WDR89: variants seen among roughly 807,000 people sequenced by gnomAD.
WDR89 encodes the protein WD repeat-containing protein 89.
Under a neutral mutation model 29.1 loss-of-function variants are expected in WDR89, and 17 were observed. The ratio of observed to expected loss-of-function variants is 0.58; its 90% CI spans 0.40 to 0.88. The LOEUF is 0.88. WDR89 is among the 40% of genes least tolerant of loss of function. The probability of loss-of-function intolerance (pLI) is 0.00; values close to 1 mark genes in which losing one functional copy is unlikely to be tolerated. For missense variants in WDR89, 396 were observed against 456.3 expected (o/e 0.87, Z 1.20); for synonymous variants, 138 against 157.8 (o/e 0.87, Z 0.94).
At chr14:63,612,866 G>A (rs73263609) in intron 2 of WDR89, among the ~76,000 whole-genome samples, 4,663 of 152,180 alleles carry the variant, frequency 0.031, 271 homozygotes, top group African/African-American at 0.11. Context: ...GGCTCAGTTT[G>A]GGAAATGAGA....
At chr14:63,632,061 G>A (rs543730783) in intron 1 of WDR89, among the ~76,000 whole-genome samples, 57 of 151,272 alleles carry the variant, frequency 3.8e-4, no homozygotes, top group African/African-American at 1.3e-3. Context: ...GCAGTGAGCC[G>A]ACAGTGCACC....
intron 1 of WDR89, among the ~76,000 whole-genome samples, chr14:63,641,134 C>G (rs982320055): frequency 6.9e-5 from 10 of 144,468 alleles, no homozygotes; most frequent in South Asian, 4.5e-4. Context: ...AAAAGAAAAA[C>G]AAAAAAGAAA....
chr14:63,613,569 T>C (rs138980620), intron 2 of WDR89, among the ~76,000 whole-genome samples: 1 of 151,256 alleles, frequency 6.6e-6, no homozygotes, highest in Non-Finnish European at 1.5e-5. Context: ...AGTGGCGTGA[T>C]CTCGGCTCAC....
intron 2 of WDR89, among the ~76,000 whole-genome samples, chr14:63,624,068 T>C (rs141657743): frequency 2.0e-5 from 3 of 152,308 alleles, no homozygotes; most frequent in Admixed American, 1.3e-4. Flanking sequence ...AGGGAATCTA[T>C]GACCTTTGGT....
intron 2 of WDR89, among the ~76,000 whole-genome samples, chr14:63,614,597 G>A (rs1372542237): frequency 6.6e-6 from 1 of 152,170 alleles, no homozygotes; most frequent in East Asian, 1.9e-4. Context: ...TCACACATAT[G>A]CGTTACCAGT....
chr14:63,641,396 C>G (rs1054458102), intron 1 of WDR89: 4 of 152,280 alleles, frequency 2.6e-5, no homozygotes, highest in Admixed American at 2.6e-4. Context: ...AAGTGAAAAT[C>G]TGCTTTCTGG....
At chr14:63,630,850 G>A (rs1883355527) in intron 1 of WDR89, 1 of 150,624 alleles carries the variant, frequency 6.6e-6, no homozygotes, top group Admixed American at 6.6e-5. Flanking sequence ...ATGCAGTGTA[G>A]TGGCACAAAC....
At chr14:63,627,747 T>C (rs1883160816) in intron 1 of WDR89, among the ~76,000 whole-genome samples, 1 of 152,156 alleles carries the variant, frequency 6.6e-6, no homozygotes, top group South Asian at 2.1e-4. Context: ...AAAAGCTCAT[T>C]TCTTCTTATA....
At chr14:63,609,390 A>AT (rs1476783724) in intron 2 of WDR89, among the ~76,000 whole-genome samples, 1 of 152,214 alleles carries the variant, frequency 6.6e-6, no homozygotes, top group Non-Finnish European at 1.5e-5. Context: ...CATGAACACA[A>AT]TATCAAATAA....
chr14:63,615,655 AG>A (rs1219595622), intron 2 of WDR89, among the ~76,000 whole-genome samples: 7 of 152,200 alleles, frequency 4.6e-5, no homozygotes, highest in Admixed American at 1.3e-4. Context: ...AGCCGGGCCC[AG>A]TGGCTCATGC....
Position 63,599,912 on chromosome 14 carries a change from G to T in WDR89, c.31C>A (p.Leu11Met). The change falls in exon 3 of 3, where the codon CTG becomes ATG. Residue 11 changes from leucine to methionine, a missense_variant. Physicochemically the swap from Leu to Met is conservative, Grantham distance 15 (BLOSUM62 2). Transcript: ENST00000620954. ...CCTAAGGAACATTTAACAATGTGCA[G>T]ATTAGCAAATTGTTCCTCAATCTTT... is the stretch of plus-strand genomic sequence containing the variant. MEKIEEQFAN[L>M]HIVKCSLGTK... 6.2e-7 allele frequency: 1 copy of T among 1,604,590 alleles called. No homozygotes were observed. Among genetic ancestry groups the T allele is most frequent in the South Asian group, 1.1e-5 (1 of 90,028 alleles).
intron 1 of WDR89, among the ~76,000 whole-genome samples, chr14:63,625,902 C>G (rs191838182): frequency 6.7e-6 from 1 of 150,350 alleles, no homozygotes; most frequent in Non-Finnish European, 1.5e-5. Context: ...TCACCAGGCT[C>G]GAGAGCAGCA....
chr14:63,634,769 C>T (rs939593403), intron 1 of WDR89, among the ~76,000 whole-genome samples: 1 of 151,138 alleles, frequency 6.6e-6, no homozygotes, highest in African/African-American at 2.4e-5. Context: ...CTTGGGAAGG[C>T]TGAGGCAGGA....
chr14:63,606,114 A>C (rs1895309318), intron 2 of WDR89, among the ~76,000 whole-genome samples: 2 of 151,928 alleles, frequency 1.3e-5, no homozygotes, highest in Non-Finnish European at 2.9e-5. Context: ...CATCCAGCTA[A>C]TTTTTGTATT....
chr14:63,625,911 C>A (rs1455320662), intron 1 of WDR89, among the ~76,000 whole-genome samples: 1 of 150,728 alleles, frequency 6.6e-6, no homozygotes, highest in Non-Finnish European at 1.5e-5. Flanking sequence ...TCGAGAGCAG[C>A]AGCGTGATCT....
intron 1 of WDR89, among the ~76,000 whole-genome samples, chr14:63,637,859 C>T (rs930302104): frequency 6.6e-6 from 1 of 152,048 alleles, no homozygotes; most frequent in African/African-American, 2.4e-5. Context: ...GTATACTACT[C>T]AGGTGATACG....
chr14:63,626,014 C>G (rs1253145425), intron 1 of WDR89, among the ~76,000 whole-genome samples: 1 of 151,950 alleles, frequency 6.6e-6, no homozygotes, highest in Non-Finnish European at 1.5e-5. Flanking sequence ...CTGCCACACC[C>G]AGCTAATTTT....
chr14:63,635,406 A>C lies in WDR89; in HGVS notation c.-138+6398T>G, dbSNP rs146302731. On this transcript the variant is annotated intron_variant, in intron 1 of 2. Transcript: ENST00000620954. ...ATGATCATCTCAATAGATACAGAAA[A>C]AGCATTTGACAAAATCCAGCATCCC... Among the ~76,000 whole-genome samples, 1,138 of 152,322 alleles carry C rather than the reference A, an allele frequency of 7.5e-3. 13 individuals carry two copies. Among genetic ancestry groups the C allele is most frequent in the African/African-American group, 0.026 (1,089 of 41,566 alleles).
intron 2 of WDR89, among the ~76,000 whole-genome samples, chr14:63,609,796 A>G (rs1290765572): frequency 1.3e-5 from 2 of 151,912 alleles, no homozygotes; most frequent in Non-Finnish European, 1.5e-5. Flanking sequence ...CAACAAAAAA[A>G]TAAAATAAAA....
Sources: allele counts gnomAD v4.1 joint callset (sites outside exome capture counted in the v4.1 genomes callset), GRCh38; gene constraint gnomAD v4.1.1; transcripts MANE v1.5; gene names NCBI Gene and HGNC (gene_info 2026-07-23, HGNC 2026-07-21).